ATMIN: variants seen among roughly 807,000 people sequenced by gnomAD.
ATMIN encodes the protein ATM interactor.
In ATMIN, 24 loss-of-function variants were observed where a neutral mutation model predicts 49.2. The observed-to-expected ratio is 0.49, with a 90% CI of 0.35 to 0.69. The LOEUF (loss-of-function observed/expected upper bound fraction) is 0.69, where lower values mean the gene tolerates loss of function less well. Ranked by LOEUF, ATMIN falls within the 30% of genes least tolerant of loss-of-function variation. The pLI is 0.00. For synonymous variants in ATMIN, 450 were observed against 392.5 expected (o/e 1.15, Z -1.73); for missense variants, 1,037 against 1,005.5 (o/e 1.03, Z -0.42).
intron 1 of ATMIN, among the ~76,000 whole-genome samples, chr16:81,036,827 C>G (rs892225799): frequency 1.3e-5 from 2 of 152,004 alleles, no homozygotes; most frequent in African/African-American, 2.4e-5. Flanking sequence ...TGCTGCACAC[C>G]GCACCCCATC....
Position 81,043,388 on chromosome 16 carries a change from C to A in ATMIN, c.890C>A (p.Pro297Gln). ...AGATATCCTCAGAAGTTGCTTTTAC[C>A]AAAGCCCAAAGTGGCTTTGGTTAAA... Reference protein sequence around the residue: ...PPRYPQKLLLPKPKVALVKLP... With the variant: ...PPRYPQKLLLQKPKVALVKLP... Residue 297 changes from proline to glutamine, a missense_variant, in exon 4 of 4, where the codon CCA (proline) becomes CAA (glutamine). Physicochemically the swap from Pro to Gln is moderately conservative, Grantham distance 76. Transcript: ENST00000299575. 1 of 1,613,860 alleles carries A rather than the reference C, an allele frequency of 6.2e-7. No individual in the cohort carries two copies. The highest frequency in any genetic ancestry group is 1.1e-5 in the South Asian group (1 of 91,048).
chr16:81,036,874 A>G (rs1418055886), intron 1 of ATMIN, among the ~76,000 whole-genome samples: 1 of 152,238 alleles, frequency 6.6e-6, no homozygotes, highest in African/African-American at 2.4e-5. Context: ...TATGAATAAA[A>G]AAATGTTTTA....
Position 81,042,364 on chromosome 16 carries a change from A to G in ATMIN, c.546A>G (p.Arg182=). Residue 182 remains arginine, a synonymous_variant, in exon 3 of 4, where the codon AGA becomes AGG. Transcript: ENST00000299575. ...ACGGTACAGAATGGGACCTGAAAAG[A>G]CATGCAGAGGACTGTGGCAAGACCT... is the stretch of plus-strand genomic sequence containing the variant. ...NSYGTEWDLK[R]HAEDCGKTFR... 1 of 1,614,222 alleles carries G rather than the reference A, an allele frequency of 6.2e-7. No homozygotes were observed. Among genetic ancestry groups the G allele is most frequent in the Non-Finnish European group, 8.5e-7 (1 of 1,180,036 alleles).
chr16:81,045,088 C>G lies in ATMIN; in HGVS notation c.*118C>G. The G allele has an allele frequency of 7.4e-7, 1 of 1,343,402 alleles. No individual in the cohort carries two copies. Among genetic ancestry groups the G allele is most frequent in the South Asian group, 1.5e-5 (1 of 65,726 alleles). The allele number at this position is 1,343,402 out of a possible 1,614,324, so 83.2% of individuals were successfully genotyped here. A position where few individuals can be genotyped will look rare whatever the true frequency, so the allele number is the denominator to read the frequency against. Reference sequence around the variant, plus strand: ...TGTGGCTGATGATGCAGTTGCTTAGCTTCTTTGTGTTTCTTTGCCTTTTGT... The same window carrying G: ...TGTGGCTGATGATGCAGTTGCTTAGGTTCTTTGTGTTTCTTTGCCTTTTGT... On this transcript the variant is annotated 3_prime_UTR_variant, in exon 4 of 4. Transcript: ENST00000299575.
rs548612853 is a variant in ATMIN at position 81,046,716 on chromosome 16, G to A, written c.*1746G>A. On this transcript the variant is annotated 3_prime_UTR_variant, in exon 4 of 4. Transcript: ENST00000299575. ...CGACATGCTCCTTTCTGTGGCACAT[G>A]CCTGTATTACTGAAAGCTAAATCCT... is the stretch of plus-strand genomic sequence containing the variant. 14 of 151,310 alleles carry A rather than the reference G, an allele frequency of 9.3e-5. No individual in the cohort carries two copies. The highest frequency in any genetic ancestry group is 8.6e-4 in the Admixed American group (13 of 15,194). The allele number at this position is 151,310 out of a possible 1,614,324, so 9.4% of individuals were successfully genotyped here. A position where few individuals can be genotyped will look rare whatever the true frequency, so the allele number is the denominator to read the frequency against.
At position 81,044,765 on chromosome 16, in the gene ATMIN, G is replaced by C; in HGVS notation, c.2267G>C (p.Ser756Thr). 6.2e-7 allele frequency: 1 copy of C among 1,614,164 alleles called. No individual in the cohort carries two copies. The highest frequency in any genetic ancestry group is 2.2e-5 in the East Asian group (1 of 44,882). The change falls in exon 4 of 4, where the codon AGC (serine) becomes ACC (threonine). Residue 756 changes from serine to threonine, a missense_variant. By Grantham distance (58) the Ser-to-Thr change is moderately conservative. Transcript: ENST00000299575. ...GCTAAAAATATACCTGCTCTAGAAA[G>C]CAAAGTTCAGTTGAACAGTACAGAA... The part of the protein sequence containing the change: ...STAKNIPALE[S>T]KVQLNSTETQ...
chr16:81,046,392 C>T lies in ATMIN; in HGVS notation c.*1422C>T, dbSNP rs1221951451. ...GTATCTAGCAAGGATATTACTTGTG[C>T]CTTGAGGCTAGCAATTATAGGATAG... is the stretch of plus-strand genomic sequence containing the variant. On this transcript the variant is annotated 3_prime_UTR_variant, in exon 4 of 4. Coordinates refer to ENST00000299575, the MANE Select transcript of ATMIN (RefSeq NM_015251.3). The T allele has an allele frequency of 6.6e-6, 1 of 152,102 alleles. No individual in the cohort carries two copies. Among genetic ancestry groups the T allele is most frequent in the Admixed American group, 6.5e-5 (1 of 15,272 alleles). 9.4% of individuals were successfully genotyped at this position (152,102 alleles called of 1,614,324 possible).
intron 1 of ATMIN, among the ~76,000 whole-genome samples, chr16:81,039,449 G>A (rs1378268443): frequency 6.6e-6 from 1 of 152,010 alleles, no homozygotes; most frequent in African/African-American, 2.4e-5. Flanking sequence ...CATAAATGAT[G>A]AGCAACGAGG....
Position 81,043,929 on chromosome 16 carries a change from T to G in ATMIN, c.1431T>G (p.Asp477Glu). Residue 477 changes from aspartate to glutamate, a missense_variant, in exon 4 of 4, where the codon GAT becomes GAG. Physicochemically the swap from Asp to Glu is conservative, Grantham distance 45. Coordinates refer to ENST00000299575, the MANE Select transcript of ATMIN (RefSeq NM_015251.3). ...CTTCATCTATAGCTGCTCAGACTGA[T>G]GCATTTATGGACACCTGTTTCCAGT... ...KVTSSIAAQT[D>E]AFMDTCFQSG... is the part of the protein sequence containing the mutation. The G allele has an allele frequency of 6.2e-7, 1 of 1,614,218 alleles. No individual in the cohort carries two copies. Among genetic ancestry groups the G allele is most frequent in the Non-Finnish European group, 8.5e-7 (1 of 1,180,028 alleles).
chr16:81,043,729 A>T lies in ATMIN; in HGVS notation c.1231A>T (p.Ile411Phe), dbSNP rs777108969. ...GTGTCAAAAGAATAGCATTTCTTCA[A>T]TCAACGTGCAGACAGATCTGTCTTA... is the stretch of plus-strand genomic sequence containing the variant. ...NTCQKNSISS[I>F]NVQTDLSYAS... The change falls in exon 4 of 4, where the codon ATC (isoleucine) becomes TTC (phenylalanine). Residue 411 changes from isoleucine to phenylalanine, a missense_variant. Transcript: ENST00000299575. 1 of 1,614,220 alleles carries T rather than the reference A, an allele frequency of 6.2e-7. No homozygotes were observed. The highest frequency in any genetic ancestry group is 1.7e-5 in the Admixed American group (1 of 60,034).
chr16:81,043,599 T>A lies in ATMIN; in HGVS notation c.1101T>A (p.Pro367=), dbSNP rs16954513. ...SEACSLKESL[P]LFKIANPIAG... ...CTTGCTCTCTTAAGGAGAGCCTACCTCTTTTCAAAATTGCTAATCCTATTG... is the reference window on the plus strand; with the variant it reads ...CTTGCTCTCTTAAGGAGAGCCTACCACTTTTCAAAATTGCTAATCCTATTG... The change falls in exon 4 of 4, where the codon CCT becomes CCA. Residue 367 remains proline (P), a synonymous_variant. Transcript: ENST00000299575. 112,161 of 1,614,094 alleles carry A rather than the reference T, an allele frequency of 0.069. 4,383 individuals carry two copies. Among genetic ancestry groups the A allele is most frequent in the African/African-American group, 0.1 (7,848 of 75,018 alleles).
intron 1 of ATMIN, among the ~76,000 whole-genome samples, chr16:81,036,720 GT>G (rs1222072344): frequency 2.6e-5 from 4 of 152,244 alleles, no homozygotes; most frequent in Middle Eastern, 3.4e-3. Context: ...AGAAGAGAGG[GT>G]TTTAAATGTT....
Position 81,043,895 on chromosome 16 carries a change from C to G in ATMIN, c.1397C>G (p.Ser466Cys), listed in dbSNP as rs754237672. 6.2e-7 allele frequency: 1 copy of G among 1,614,202 alleles called. No individual in the cohort carries two copies. Among genetic ancestry groups the G allele is most frequent in the Non-Finnish European group, 8.5e-7 (1 of 1,180,036 alleles). The change falls in exon 4 of 4, where the codon TCT becomes TGT. Residue 466 changes from serine to cysteine, a missense_variant. Physicochemically the swap from Ser to Cys is moderately radical, Grantham distance 112. Transcript: ENST00000299575. ...CACACTCAGACATTTTTGCCCAGCTCTAAGGTAACTTCATCTATAGCTGCT... is the reference window on the plus strand; with the variant it reads ...CACACTCAGACATTTTTGCCCAGCTGTAAGGTAACTTCATCTATAGCTGCT... ...SVHTQTFLPS[S>C]KVTSSIAAQT...
At chr16:81,037,931 C>T (rs897055599) in intron 1 of ATMIN, among the ~76,000 whole-genome samples, 4 of 151,736 alleles carry the variant, frequency 2.6e-5, no homozygotes, top group Non-Finnish European at 4.4e-5. Context: ...TGAGCCACCG[C>T]GACCGACCTA....
In ATMIN at chr16:81,045,247, C is replaced by G; in HGVS notation, c.*277C>G. 2.4e-6 allele frequency: 1 copy of G among 417,010 alleles called. No homozygotes were observed. Among genetic ancestry groups the G allele is most frequent in the Non-Finnish European group, 4.2e-6 (1 of 235,424 alleles). The allele number at this position is 417,010 out of a possible 1,614,324, so 25.8% of individuals were successfully genotyped here. A position where few individuals can be genotyped will look rare whatever the true frequency, so the allele number is the denominator to read the frequency against. ...TCATGTTAAAAAAAAAAATGTATTT[C>G]ATATCTATAAAACCTATATAGCCAT... is the stretch of plus-strand genomic sequence containing the variant. On this transcript the variant is annotated 3_prime_UTR_variant, in exon 4 of 4. Coordinates refer to ENST00000299575, the MANE Select transcript of ATMIN (RefSeq NM_015251.3).
Position 81,042,476 on chromosome 16 carries a change from C to T in ATMIN, c.658C>T (p.His220Tyr). 6.2e-7 allele frequency: 1 copy of T among 1,613,804 alleles called. No homozygotes were observed. Among genetic ancestry groups the T allele is most frequent in the Non-Finnish European group, 8.5e-7 (1 of 1,179,806 alleles). ...AACTGGGCACGAGATACCTGCAGAA[C>T]ACAGGTGAAGGGAAAGAAATGATGG... ...YRTGHEIPAE[H>Y]RDPPSKKRKM... Residue 220 changes from histidine to tyrosine, a missense_variant, in exon 3 of 4, where the codon CAC (histidine) becomes TAC (tyrosine). Transcript: ENST00000299575.
At chr16:81,037,728 G>A (rs1206835545) in intron 1 of ATMIN, among the ~76,000 whole-genome samples, 1 of 151,446 alleles carries the variant, frequency 6.6e-6, no homozygotes, top group Non-Finnish European at 1.5e-5. Flanking sequence ...CTCTGCCTCC[G>A]GGGTTCAAGC....
At chr16:81,037,778 G>C (rs1392546454) in intron 1 of ATMIN, among the ~76,000 whole-genome samples, 1 of 151,906 alleles carries the variant, frequency 6.6e-6, no homozygotes, top group African/African-American at 2.4e-5. Flanking sequence ...TGGGATTACA[G>C]GCACCTGCCA....
chr16:81,042,846 C>T (rs928066519), intron 3 of ATMIN, among the ~76,000 whole-genome samples: 2 of 152,162 alleles, frequency 1.3e-5, no homozygotes, highest in Non-Finnish European at 2.9e-5. Context: ...GTGATAGCTT[C>T]CTGCCTTAGA....
Sources: gnomAD v4.1 joint callset for allele counts (sites outside exome capture counted in the v4.1 genomes callset) on GRCh38, gnomAD v4.1.1 for gene constraint, MANE v1.5 for transcripts, NCBI Gene and HGNC (gene_info 2026-07-23, HGNC 2026-07-21) for gene names.